CDKN2AIPNL: variants seen among roughly 807,000 people sequenced by gnomAD.
CDKN2AIPNL encodes CDKN2AIP N-terminal-like protein.
Under a neutral mutation model 12.9 loss-of-function variants are expected in CDKN2AIPNL, and 9 were observed. That is an observed-to-expected ratio of 0.70 (90% CI 0.42 to 1.22). CDKN2AIPNL has a LOEUF of 1.22. Among genes scored for constraint, CDKN2AIPNL ranks in the 50% most tolerant of loss-of-function variants. CDKN2AIPNL has a pLI of 0.00. For missense variants in CDKN2AIPNL, 143 were observed against 153.6 expected, an observed-to-expected ratio of 0.93 and a Z score of 0.37; for synonymous variants, 53 against 61.7, an observed-to-expected ratio of 0.86 and a Z score of 0.66.
chr5:134,407,065 C>A (rs1319753894), intron 2 of CDKN2AIPNL, among the ~76,000 whole-genome samples: 3 of 152,138 alleles, frequency 2.0e-5, no homozygotes, highest in Non-Finnish European at 4.4e-5. Context: ...AGGCTTCTTC[C>A]ACATAGCTAA....
rs997040420 is a variant in CDKN2AIPNL, at chr5:134,402,995, TTAA to T, written c.340-72_340-70del. The stretch of plus-strand genomic sequence containing the variant: ...AGTGAATCAAATTCATCTTCATAAA[TTAA>T]AATATAGCAGTGATGTAATATTTAT... On this transcript the variant is annotated intron_variant, in intron 2 of 2. Transcript: ENST00000458198. 42 of 1,331,524 alleles carry T rather than the reference TTAA, an allele frequency of 3.2e-5. No homozygotes were observed. The African/African-American group carries it at 5.2e-4, about 17-fold the overall frequency. 82.5% of individuals were successfully genotyped at this position (1,331,524 alleles called of 1,614,324 possible). A position where few individuals can be genotyped will look rare whatever the true frequency, so the allele number is the denominator to read the frequency against.
chr5:134,406,851 C>G (rs1423561320), intron 2 of CDKN2AIPNL, among the ~76,000 whole-genome samples: 1 of 152,224 alleles, frequency 6.6e-6, no homozygotes, highest in Non-Finnish European at 1.5e-5. Context: ...GCCTGAGCCA[C>G]AGAGAGAGAC....
At chr5:134,405,380 C>G (rs1276715507) in intron 2 of CDKN2AIPNL, among the ~76,000 whole-genome samples, 2 of 151,740 alleles carry the variant, frequency 1.3e-5, no homozygotes. Context: ...GCTGGGATTA[C>G]AGGCGTGAGC....
At chr5:134,406,649 T>G (rs908909397) in intron 2 of CDKN2AIPNL, among the ~76,000 whole-genome samples, 9 of 152,152 alleles carry the variant, frequency 5.9e-5, no homozygotes, top group Admixed American at 1.3e-4. Context: ...CACCAGCACT[T>G]TGGGAGGCTG....
intron 2 of CDKN2AIPNL, among the ~76,000 whole-genome samples, chr5:134,406,075 CA>C (rs1759099023): frequency 6.6e-6 from 1 of 152,330 alleles, no homozygotes; most frequent in African/African-American, 2.4e-5. Flanking sequence ...TCATATACTG[CA>C]ACTGTCCAAC....
intron 2 of CDKN2AIPNL, among the ~76,000 whole-genome samples, chr5:134,405,209 C>T (rs1448690100): frequency 6.7e-6 from 1 of 149,884 alleles, no homozygotes; most frequent in Non-Finnish European, 1.5e-5. Flanking sequence ...AGGTTCACGC[C>T]ATTCTCCTGC....
At chr5:134,409,426 A>G (rs959721875) in intron 2 of CDKN2AIPNL, among the ~76,000 whole-genome samples, 3 of 152,212 alleles carry the variant, frequency 2.0e-5, no homozygotes, top group African/African-American at 7.2e-5. Flanking sequence ...TAAAAAGCCC[A>G]TCGCCTGAGA....
chr5:134,408,355 A>C (rs1363744331), intron 2 of CDKN2AIPNL, among the ~76,000 whole-genome samples: 1 of 151,834 alleles, frequency 6.6e-6, no homozygotes, highest in Non-Finnish European at 1.5e-5. Context: ...TCCCTGGCTA[A>C]AAACAGTAGC....
At position 134,402,622 on chromosome 5, in the gene CDKN2AIPNL, GA is replaced by G. The variant is rs892746830; in HGVS notation, c.*292del. ...CGACAGAGTGAGACCTTGTCGATAAGAAAAAAAAAAACCTGAAAACAGAAAA... is the reference window on the plus strand; with the variant it reads ...CGACAGAGTGAGACCTTGTCGATAAGAAAAAAAAAACCTGAAAACAGAAAA... On this transcript the variant is annotated 3_prime_UTR_variant, in exon 3 of 3. Coordinates refer to ENST00000458198, the MANE Select transcript of CDKN2AIPNL (RefSeq NM_080656.3). 2,715 of 250,010 alleles carry G rather than the reference GA, an allele frequency of 0.011. No individual in the cohort carries two copies. The highest frequency in any genetic ancestry group is 0.016 in the East Asian group (230 of 14,080). 15.5% of individuals were successfully genotyped at this position (250,010 alleles called of 1,614,324 possible).
intron 2 of CDKN2AIPNL, among the ~76,000 whole-genome samples, chr5:134,407,358 G>T (rs1261171822): frequency 6.6e-6 from 1 of 151,560 alleles, no homozygotes. Context: ...CTCCTACTGG[G>T]GTCTGCAGCC....
In CDKN2AIPNL at chr5:134,411,500, G is replaced by A. The variant is rs1002021217; in HGVS notation, c.239+116C>T. The A allele has an allele frequency of 4.8e-6, 4 of 832,362 alleles. No individual in the cohort carries two copies. The Admixed American group carries it at 8.4e-5, about 17-fold the overall frequency. 51.6% of individuals were successfully genotyped at this position (832,362 alleles called of 1,614,324 possible). A position where few individuals can be genotyped will look rare whatever the true frequency, so the allele number is the denominator to read the frequency against. On this transcript the variant is annotated intron_variant, in intron 1 of 2. Coordinates refer to ENST00000458198, the MANE Select transcript of CDKN2AIPNL (RefSeq NM_080656.3). ...GTCTTCGGGCCGACCAATGCGGATG[G>A]AGGTTGGGCCCGGGTTCAGTCTGGG...
chr5:134,404,476 A>G (rs371258518), intron 2 of CDKN2AIPNL, among the ~76,000 whole-genome samples: 1 of 152,116 alleles, frequency 6.6e-6, no homozygotes, highest in Admixed American at 6.6e-5. Context: ...GGCATGCGCA[A>G]CTATGCCCAG....
intron 2 of CDKN2AIPNL, among the ~76,000 whole-genome samples, chr5:134,409,511 A>G (rs1200436616): frequency 6.6e-6 from 1 of 152,192 alleles, no homozygotes; most frequent in South Asian, 2.1e-4. Context: ...AAATCACAGA[A>G]GCCAAACAAG....
Position 134,411,783 on chromosome 5 carries a change from C to T in CDKN2AIPNL, c.72G>A (p.Ala24=), listed in dbSNP as rs776708232. The part of the protein sequence containing the change: ...VSGVRQAADF[A]EQFRSYSESE... The stretch of plus-strand genomic sequence containing the variant: ...TCTCTGAGTAGGAGCGGAACTGCTC[C>T]GCGAAGTCGGCCGCCTGCCGCACCC... Residue 24 remains alanine, a synonymous_variant, in exon 1 of 3, where the codon GCG becomes GCA. Coordinates refer to ENST00000458198, the MANE Select transcript of CDKN2AIPNL (RefSeq NM_080656.3). 2.5e-6 allele frequency: 4 copies of T among 1,604,640 alleles called. No individual in the cohort carries two copies. The highest frequency in any genetic ancestry group is 4.5e-5 in the East Asian group (2 of 44,252).
chr5:134,409,880 A>T (rs1191413761), intron 2 of CDKN2AIPNL, 23 bp downstream of exon 2: 1 of 1,469,352 alleles, frequency 6.8e-7, no homozygotes, highest in East Asian at 2.3e-5. Flanking sequence ...ATTTCATCAC[A>T]TGCACTTGGA....
chr5:134,411,579 T>C (rs762061084), intron 1 of CDKN2AIPNL, 37 bp downstream of exon 1: 5 of 1,569,280 alleles, frequency 3.2e-6, no homozygotes, highest in East Asian at 2.3e-5. Context: ...GGTCGGAAGA[T>C]AGGGGACAGG....
At chr5:134,411,411 C>T (rs944413792) in intron 1 of CDKN2AIPNL, among the ~76,000 whole-genome samples, 1 of 152,170 alleles carries the variant, frequency 6.6e-6, no homozygotes, top group Non-Finnish European at 1.5e-5. Context: ...CACCCTTTTA[C>T]CAGAAGAGAA....
In CDKN2AIPNL at chr5:134,411,694, G is replaced by C; in HGVS notation, c.161C>G (p.Pro54Arg). The part of the protein sequence containing the change: ...ILRHLPDYRD[P>R]PDGSGRLDQL... ...GTCCAGGCGGCCACTGCCGTCGGGCGGGTCGCGGTAGTCGGGCAGGTGGCG... is the reference window on the plus strand; with the variant it reads ...GTCCAGGCGGCCACTGCCGTCGGGCCGGTCGCGGTAGTCGGGCAGGTGGCG... The change falls in exon 1 of 3, where the codon CCG becomes CGG. Residue 54 changes from proline (P) to arginine (R), a missense_variant. This residue lies in a region of CDKN2AIPNL where 111 missense variants were observed against 111.4 expected (regional missense o/e 1.00). Coordinates refer to ENST00000458198, the MANE Select transcript of CDKN2AIPNL (RefSeq NM_080656.3). 6.2e-7 allele frequency: 1 copy of C among 1,613,178 alleles called. No homozygotes were observed.
chr5:134,409,700 C>T (rs1166335650), intron 2 of CDKN2AIPNL, among the ~76,000 whole-genome samples: 1 of 152,130 alleles, frequency 6.6e-6, no homozygotes, highest in African/African-American at 2.4e-5. Flanking sequence ...GTTACCTCAT[C>T]AACAATGCAT....
Sources: gnomAD v4.1 joint callset for allele counts (sites outside exome capture counted in the v4.1 genomes callset) on GRCh38, gnomAD v4.1.1 for gene constraint, gnomAD v4.1.1 regional missense constraint, MANE v1.5 for transcripts, NCBI Gene and HGNC (gene_info 2026-07-23, HGNC 2026-07-21) for gene names.